The following PUM1 variants were observed in gnomAD, a reference collection of about 807,000 sequenced individuals.
PUM1 encodes pumilio homolog 1.
PUM1 carries 13 observed loss-of-function variants against 131.8 expected under a neutral mutation model. The ratio of observed to expected loss-of-function variants is 0.10; its 90% CI spans 0.06 to 0.16. The LOEUF is 0.16. PUM1 is among the 10% of genes least tolerant of loss of function. The probability of loss-of-function intolerance (pLI) is 1.00; values close to 1 mark genes in which losing one functional copy is unlikely to be tolerated. For synonymous variants in PUM1, 509 were observed against 556.5 expected (o/e 0.91, Z 1.20); for missense variants, 961 against 1,512.4 (o/e 0.64, Z 6.05).
At chr1:30,950,102 G>C (rs1441909767) in intron 17 of PUM1, 25 bp downstream of exon 17, 1 of 1,604,656 alleles carries the variant, frequency 6.2e-7, no homozygotes, top group Non-Finnish European at 8.5e-7. Flanking sequence ...CAAACACCAA[G>C]AGAAAAGTTA....
intron 1 of PUM1, chr1:31,061,962 G>A (rs1028514002): frequency 1.3e-5 from 2 of 152,200 alleles, no homozygotes; most frequent in Non-Finnish European, 2.9e-5. Flanking sequence ...CTTCAACACG[G>A]TAATAGTGTA....
At chr1:30,983,573 A>G (rs1373451642) in intron 7 of PUM1, among the ~76,000 whole-genome samples, 1 of 152,120 alleles carries the variant, frequency 6.6e-6, no homozygotes, top group Non-Finnish European at 1.5e-5. Context: ...GTCCACTGCC[A>G]TTCCATCTGA....
intron 1 of PUM1, 44 bp downstream of exon 1, chr1:31,065,572 G>A: frequency 1.3e-6 from 2 of 1,535,740 alleles, no homozygotes; most frequent in South Asian, 2.4e-5. Context: ...TGCTCGTTAG[G>A]GGTCCGGAGC....
At chr1:31,007,240 C>G in intron 3 of PUM1, 138 bp from the exon 4 acceptor site, 1 of 649,002 alleles carries the variant, frequency 1.5e-6, no homozygotes, top group East Asian at 2.7e-5. Flanking sequence ...TCCAACTACA[C>G]AACTGTGGTC....
rs773170081 is a variant in PUM1 at position 30,933,197 on chromosome 1, C to T, written c.*14G>A. ...GAGGTCAGCGGGAATGAGGGAACAG[C>T]GGGTGACACTGCCTCAGATGATACC... is the stretch of plus-strand genomic sequence containing the variant. On this transcript the variant is annotated 3_prime_UTR_variant, in exon 22 of 22. Transcript: ENST00000426105. The T allele has an allele frequency of 5.0e-6, 8 of 1,601,178 alleles. No individual in the cohort carries two copies. Among genetic ancestry groups the T allele is most frequent in the Non-Finnish European group, 6.0e-6 (7 of 1,173,730 alleles).
chr1:31,027,741 T>C (rs1385671507), intron 3 of PUM1, among the ~76,000 whole-genome samples: 5 of 152,198 alleles, frequency 3.3e-5, no homozygotes, highest in Non-Finnish European at 5.9e-5. Flanking sequence ...CAAGGAATAT[T>C]TGCTTCAAAC....
At chr1:31,044,088 T>C (rs150614547) in intron 2 of PUM1, among the ~76,000 whole-genome samples, 471 of 152,186 alleles carry the variant, frequency 3.1e-3, no homozygotes, top group African/African-American at 0.011. Context: ...GGCAGATCTA[T>C]ACAATGAAAT....
chr1:31,001,900 A>G (rs1642230215), intron 5 of PUM1, among the ~76,000 whole-genome samples: 1 of 152,210 alleles, frequency 6.6e-6, no homozygotes, highest in African/African-American at 2.4e-5. Context: ...ATGTGCATAC[A>G]AATCATCTGG....
At chr1:30,959,541 T>A (rs1334026130) in intron 14 of PUM1, among the ~76,000 whole-genome samples, 1 of 152,176 alleles carries the variant, frequency 6.6e-6, no homozygotes, top group Non-Finnish European at 1.5e-5. Flanking sequence ...ATTGGATTAA[T>A]ATCTGAAAAT....
At chr1:30,996,902 T>A (rs897777549) in intron 5 of PUM1, among the ~76,000 whole-genome samples, 1 of 152,082 alleles carries the variant, frequency 6.6e-6, no homozygotes, top group African/African-American at 2.4e-5. Context: ...CAGTGCCTGA[T>A]AAAAGCTCAA....
At chr1:30,935,536 A>G (rs1639171088) in intron 21 of PUM1, 1 of 398,544 alleles carries the variant, frequency 2.5e-6, no homozygotes, top group Non-Finnish European at 5.0e-6. Flanking sequence ...TTAAGCTCCT[A>G]CTTACCTCCA....
intron 14 of PUM1, among the ~76,000 whole-genome samples, chr1:30,957,089 C>T (rs1163458468): frequency 3.3e-5 from 4 of 121,782 alleles, no homozygotes; most frequent in African/African-American, 1.1e-4. Context: ...GACATTCATA[C>T]ACACACACAC....
chr1:30,995,300 C>A, intron 5 of PUM1, 80 bp from the exon 6 acceptor site: 1 of 1,420,846 alleles, frequency 7.0e-7, no homozygotes, highest in South Asian at 1.2e-5. Context: ...CCAGACTACA[C>A]TAGATGCTAC....
Position 31,021,849 on chromosome 1 carries a change from AAACC to A in PUM1, c.432+6943_432+6946del, listed in dbSNP as rs1339767134. Among the ~76,000 whole-genome samples the A allele has an allele frequency of 3.9e-5, 6 of 152,270 alleles. No homozygotes were observed. The South Asian group carries it at 1.2e-3, about 32-fold the overall frequency. On this transcript the variant is annotated intron_variant, in intron 3 of 21. Transcript: ENST00000426105. ...GAATAAGTAGACTGTGAATATGCAGAAACCAACCAGAAAAACTCAGGATTTGAGT... is the reference window on the plus strand; with the variant it reads ...GAATAAGTAGACTGTGAATATGCAGAAACCAGAAAAACTCAGGATTTGAGT...
chr1:31,063,988 A>G (rs1196127705), intron 1 of PUM1, among the ~76,000 whole-genome samples: 2 of 152,236 alleles, frequency 1.3e-5, no homozygotes, highest in East Asian at 3.8e-4. Context: ...TACGTGTAGC[A>G]TTTAAAATGT....
At chr1:30,969,445 T>A (rs1047784954) in intron 10 of PUM1, among the ~76,000 whole-genome samples, 8 of 151,858 alleles carry the variant, frequency 5.3e-5, no homozygotes, top group African/African-American at 1.9e-4. Context: ...ACACAAAAGA[T>A]GGAATGAGAA....
chr1:30,943,736 T>C (rs894883128), intron 18 of PUM1, among the ~76,000 whole-genome samples: 4 of 152,212 alleles, frequency 2.6e-5, no homozygotes, highest in Non-Finnish European at 5.9e-5. Flanking sequence ...TAAATTATTT[T>C]CCAAAATGGT....
chr1:31,020,722 C>T (rs2124533393), intron 3 of PUM1, among the ~76,000 whole-genome samples: 1 of 152,314 alleles, frequency 6.6e-6, no homozygotes, highest in African/African-American at 2.4e-5. Flanking sequence ...ACAAGGATCT[C>T]AACCCTGAGT....
At chr1:31,013,131 GAT>G (rs979372181) in intron 3 of PUM1, among the ~76,000 whole-genome samples, 1 of 152,146 alleles carries the variant, frequency 6.6e-6, no homozygotes, top group African/African-American at 2.4e-5. Context: ...CAGACACAGT[GAT>G]CATGGCATCA....
Sources: gnomAD v4.1 joint callset for allele counts (sites outside exome capture counted in the v4.1 genomes callset) on GRCh38, gnomAD v4.1.1 for gene constraint, MANE v1.5 for transcripts, NCBI Gene and HGNC (gene_info 2026-07-23, HGNC 2026-07-21) for gene names.